Variants in CHMP3 observed in about 807,000 individuals in gnomAD.
CHMP3 encodes the protein charged multivesicular body protein 3.
CHMP3 carries 8 observed loss-of-function variants against 27.4 expected under a neutral mutation model. The ratio of observed to expected loss-of-function variants is 0.29; its 90% CI spans 0.17 to 0.53. CHMP3 has a LOEUF of 0.53. Ranked by LOEUF, CHMP3 falls within the 20% of genes least tolerant of loss-of-function variation. The pLI is 0.96. For synonymous variants in CHMP3, 86 were observed against 85.5 expected (o/e 1.01, Z -0.03); for missense variants, 208 against 271.5 (o/e 0.77, Z 1.64).
At chr2:86,556,660 CGGG>C (rs1377652741) in intron 1 of CHMP3, among the ~76,000 whole-genome samples, 1 of 151,992 alleles carries the variant, frequency 6.6e-6, no homozygotes, top group African/African-American at 2.4e-5. Context: ...ACTGCTCTCT[CGGG>C]GAAGGCGGGG....
Position 86,548,669 on chromosome 2 carries a change from G to A in CHMP3, c.46-6357C>T, listed in dbSNP as rs190460521. 2.3e-3 allele frequency among the ~76,000 whole-genome samples: 348 copies of A among 152,140 alleles called. 8 individuals are homozygous for A. In the East Asian group the frequency reaches 0.04, roughly 17 times the overall value. On this transcript the variant is annotated intron_variant, in intron 1 of 5. Transcript: ENST00000263856. ...TTTTCTTTTCAACAAAACCGCCATC[G>A]TCATCATGGCCTGTTCTCGATGGTC...
intron 3 of CHMP3, among the ~76,000 whole-genome samples, chr2:86,526,474 T>C (rs1675714279): frequency 6.6e-6 from 1 of 152,210 alleles, no homozygotes; most frequent in African/African-American, 2.4e-5. Context: ...AATTTTGTAA[T>C]TCTAGCAAAA....
At position 86,529,209 on chromosome 2, in the gene CHMP3, C is replaced by T; in HGVS notation, c.286+9G>A. 2 of 1,596,806 alleles carry T rather than the reference C, an allele frequency of 1.3e-6. No homozygotes were observed. Among genetic ancestry groups the T allele is most frequent in the Non-Finnish European group, 1.7e-6 (2 of 1,172,978 alleles). ...TTATGAGGTGACTGTAAGGTAAGTG[C>T]AGCCTTACCGAGCTGGTTCTTCATC... On this transcript the variant is annotated intron_variant, in intron 3 of 5. Transcript: ENST00000263856.
intron 1 of CHMP3, 141 bp downstream of exon 1, chr2:86,563,163 C>G: frequency 1.0e-6 from 1 of 989,958 alleles, no homozygotes; most frequent in East Asian, 2.5e-5. Context: ...TCCTCCGGCC[C>G]CCCTGTCGAG....
Position 86,529,412 on chromosome 2 carries a change from G to C in CHMP3, c.107-15C>G, listed in dbSNP as rs915582286. 3.5e-5 allele frequency: 54 copies of C among 1,562,446 alleles called. No individual in the cohort carries two copies. The highest frequency in any genetic ancestry group is 4.2e-5 in the Non-Finnish European group (48 of 1,155,298). On this transcript the variant is annotated splice_polypyrimidine_tract_variant and intron_variant, in intron 2 of 5. Coordinates refer to ENST00000263856, the MANE Select transcript of CHMP3 (RefSeq NM_016079.4). ...TCTTTGGATATCTAAATTTAGAACA[G>C]AACACCAAAAATCAAGGGTAAGTCA...
At chr2:86,554,339 TTAAAA>T (rs1244764381) in intron 1 of CHMP3, among the ~76,000 whole-genome samples, 1 of 152,134 alleles carries the variant, frequency 6.6e-6, no homozygotes, top group African/African-American at 2.4e-5. Context: ...TAATAAAACT[TTAAAA>T]TAAAGTAGTT....
At chr2:86,543,451 G>A (rs1465527134) in intron 1 of CHMP3, among the ~76,000 whole-genome samples, 2 of 152,142 alleles carry the variant, frequency 1.3e-5, no homozygotes, top group Non-Finnish European at 2.9e-5. Context: ...AAAAGATTCT[G>A]CAAAAACCAC....
At chr2:86,546,351 G>A (rs1676600431) in intron 1 of CHMP3, among the ~76,000 whole-genome samples, 1 of 134,192 alleles carries the variant, frequency 7.5e-6, no homozygotes, top group African/African-American at 2.7e-5. Flanking sequence ...GGCAACAGAG[G>A]GAGACCCGAA....
intron 1 of CHMP3, 70 bp downstream of exon 1, chr2:86,563,234 C>G (rs1457227035): frequency 6.4e-7 from 1 of 1,569,016 alleles, no homozygotes; most frequent in Non-Finnish European, 8.7e-7. Context: ...GAAGAGTGTC[C>G]TGTCATTTAC....
intron 2 of CHMP3, among the ~76,000 whole-genome samples, chr2:86,536,736 T>A (rs1676160132): frequency 6.6e-6 from 1 of 152,236 alleles, no homozygotes; most frequent in East Asian, 1.9e-4. Context: ...GATGTTTATA[T>A]TCCTATCTTT....
At chr2:86,515,197 T>TA (rs35870728) in intron 3 of CHMP3, 28 of 149,354 alleles carry the variant, frequency 1.9e-4, no homozygotes, top group South Asian at 1.3e-3. Flanking sequence ...GGGACAAAGT[T>TA]AAAAAAAAAA....
chr2:86,559,020 G>C (rs1274609916), intron 1 of CHMP3, among the ~76,000 whole-genome samples: 1 of 152,184 alleles, frequency 6.6e-6, no homozygotes, highest in Non-Finnish European at 1.5e-5. Context: ...GCTGGGTTGA[G>C]GGATACCCAG....
chr2:86,556,176 A>C (rs1454644430), intron 1 of CHMP3, among the ~76,000 whole-genome samples: 2 of 152,252 alleles, frequency 1.3e-5, no homozygotes, highest in Non-Finnish European at 2.9e-5. Flanking sequence ...GTACAAATTC[A>C]ACAGCTATAG....
chr2:86,531,296 A>ACT (rs1219947046), intron 2 of CHMP3, among the ~76,000 whole-genome samples: 1 of 152,190 alleles, frequency 6.6e-6, no homozygotes. Context: ...GGTGTGAACC[A>ACT]CTGTGCCCTG....
chr2:86,553,384 T>C (rs1312591041), intron 1 of CHMP3, among the ~76,000 whole-genome samples: 2 of 152,148 alleles, frequency 1.3e-5, no homozygotes, highest in Admixed American at 1.3e-4. Flanking sequence ...CAGCCTGGAG[T>C]GCAGTGGCAC....
chr2:86,520,996 A>G (rs1292264108), intron 3 of CHMP3, among the ~76,000 whole-genome samples: 6 of 152,182 alleles, frequency 3.9e-5, no homozygotes, highest in African/African-American at 1.4e-4. Context: ...TCACTGATCA[A>G]TGTACTTTGT....
At chr2:86,549,094 C>T (rs1287439875) in intron 1 of CHMP3, among the ~76,000 whole-genome samples, 7 of 146,450 alleles carry the variant, frequency 4.8e-5, no homozygotes, top group Non-Finnish European at 7.5e-5. Flanking sequence ...CGGGCAGAGA[C>T]GCCCCTCACC....
intron 3 of CHMP3, chr2:86,511,854 A>C (rs1279541970): frequency 1.3e-5 from 2 of 152,176 alleles, no homozygotes; most frequent in African/African-American, 4.8e-5. Context: ...AACAGATGGG[A>C]GACATGGAAA....
chr2:86,523,958 G>A (rs1309307249), intron 3 of CHMP3, among the ~76,000 whole-genome samples: 1 of 152,042 alleles, frequency 6.6e-6, no homozygotes. Context: ...ATAAAGTTGA[G>A]GAAATTTTGC....
Sources: gnomAD v4.1 joint callset for allele counts (sites outside exome capture counted in the v4.1 genomes callset) on GRCh38, gnomAD v4.1.1 for gene constraint, MANE v1.5 for transcripts, NCBI Gene and HGNC (gene_info 2026-07-23, HGNC 2026-07-21) for gene names.